The following CHD7 variants were observed in gnomAD, a reference collection of about 807,000 sequenced individuals.
CHD7 encodes chromodomain helicase DNA binding protein 7.
A neutral mutation model predicts 307.3 loss-of-function variants in CHD7; 24 were observed. The observed-to-expected ratio is 0.08, with a 90% CI of 0.06 to 0.11. The LOEUF is 0.11. Ranked by LOEUF, CHD7 falls within the 10% of genes least tolerant of loss-of-function variation. The pLI is 1.00. For synonymous variants in CHD7, 1,363 were observed against 1,349.9 expected (o/e 1.01, Z -0.21); for missense variants, 3,106 against 3,727.1 (o/e 0.83, Z 4.34).
intron 7 of CHD7, among the ~76,000 whole-genome samples, chr8:60,811,945 A>G (rs942502019): frequency 2.6e-5 from 4 of 152,206 alleles, no homozygotes; most frequent in African/African-American, 9.7e-5. Context: ...TCATAAGATT[A>G]ATGGCCACTT....
At chr8:60,682,585 T>C (rs1396275751) in intron 1 of CHD7, among the ~76,000 whole-genome samples, 1 of 152,234 alleles carries the variant, frequency 6.6e-6, no homozygotes, top group African/African-American at 2.4e-5. Flanking sequence ...ACCATGCCTT[T>C]AGTTAACTTT....
Position 60,741,527 on chromosome 8 carries a change from A to G in CHD7, c.95A>G (p.Asn32Ser), listed in dbSNP as rs755642503. ...CTCGGAGAATGTGGTTACCCGGAAA[A>G]TCCAGTAAATCCTATGGGTCAGCAA... ...EGLGECGYPE[N>S]PVNPMGQQMP... is the part of the protein sequence containing the mutation. Residue 32 changes from asparagine (N) to serine (S), a missense_variant, in exon 2 of 38, where the codon AAT becomes AGT. Asn to Ser is a conservative substitution (Grantham distance 46). Coordinates refer to ENST00000423902, the MANE Select transcript of CHD7 (RefSeq NM_017780.4). 1.2e-6 allele frequency: 2 copies of G among 1,613,376 alleles called. No individual in the cohort carries two copies. Among genetic ancestry groups the G allele is most frequent in the Admixed American group, 3.3e-5 (2 of 59,956 alleles).
intron 2 of CHD7, among the ~76,000 whole-genome samples, chr8:60,746,022 G>A (rs1809306387): frequency 6.6e-6 from 1 of 152,096 alleles, no homozygotes; most frequent in Non-Finnish European, 1.5e-5. Context: ...TAGATACAAT[G>A]TAAAATTAAC....
intron 7 of CHD7, among the ~76,000 whole-genome samples, chr8:60,814,594 T>C (rs1048887481): frequency 3.3e-5 from 5 of 152,186 alleles, no homozygotes; most frequent in East Asian, 1.9e-4. Context: ...TACAGGCACA[T>C]GCCACCACGG....
chr8:60,711,626 T>C (rs1353352655), intron 1 of CHD7, among the ~76,000 whole-genome samples: 1 of 152,232 alleles, frequency 6.6e-6, no homozygotes, highest in South Asian at 2.1e-4. Context: ...CTCCAACAAC[T>C]GAACACTGTG....
chr8:60,865,107 G>C lies in CHD7; in HGVS notation c.8168G>C (p.Ser2723Thr), dbSNP rs756347672. 3 of 1,610,976 alleles carry C rather than the reference G, an allele frequency of 1.9e-6. No homozygotes were observed. The highest frequency in any genetic ancestry group is 2.5e-6 in the Non-Finnish European group (3 of 1,178,738). Residue 2723 changes from serine (S) to threonine (T), a missense_variant, in exon 38 of 38, where the codon AGT becomes ACT. Ser to Thr is a moderately conservative substitution (Grantham distance 58). Around this residue, in one of 10 missense-constraint regions of CHD7, gnomAD observed 351 missense variants for 366.2 expected, o/e 0.96. Coordinates refer to ENST00000423902, the MANE Select transcript of CHD7 (RefSeq NM_017780.4). This position sits in a 1 kb window ranked among gnomAD's most constrained non-coding sequence, Gnocchi z 4.3. ...AGCAGAAGAGGAAGAAGGCCCAAAA[G>C]TGAGATCGCCAGAGCAGCCGCGGCC... ...GASRRGRRPK[S>T]EIARAAAAAA...
At chr8:60,755,738 G>T (rs1809860644) in intron 2 of CHD7, among the ~76,000 whole-genome samples, 2 of 152,060 alleles carry the variant, frequency 1.3e-5, no homozygotes. Context: ...CTATAGAGTG[G>T]TTGCAATCCA....
At chr8:60,794,894 A>T in intron 3 of CHD7, 92 bp from the exon 4 acceptor site, 2 of 1,198,542 alleles carry the variant, frequency 1.7e-6, no homozygotes, top group Admixed American at 2.4e-5. Flanking sequence ...ATCAGTTGTC[A>T]TTGATACTTT....
intron 8 of CHD7, among the ~76,000 whole-genome samples, chr8:60,818,608 C>G (rs535176658): frequency 8.5e-5 from 13 of 152,162 alleles, no homozygotes; most frequent in Middle Eastern, 6.8e-3. Context: ...TACTAATCTA[C>G]CTCTGTGTAA....
chr8:60,732,337 C>T (rs372690262), intron 1 of CHD7, among the ~76,000 whole-genome samples: 1 of 152,200 alleles, frequency 6.6e-6, no homozygotes, highest in Non-Finnish European at 1.5e-5. Context: ...ACGAAGAGCA[C>T]GCTTCTTACA....
At chr8:60,864,875 G>T in intron 37 of CHD7, 141 bp from the exon 38 acceptor site, 5 of 846,364 alleles carry the variant, frequency 5.9e-6, no homozygotes, top group Non-Finnish European at 7.2e-6. Context: ...CTGTCATTAA[G>T]TTTTATCATT....
intron 4 of CHD7, among the ~76,000 whole-genome samples, chr8:60,795,932 A>G (rs1213253804): frequency 6.6e-6 from 1 of 152,218 alleles, no homozygotes; most frequent in Non-Finnish European, 1.5e-5. Context: ...GTCCTGGAGT[A>G]GGAAGCCAGC....
At chr8:60,739,531 C>A (rs1421507068) in intron 1 of CHD7, among the ~76,000 whole-genome samples, 4 of 152,140 alleles carry the variant, frequency 2.6e-5, no homozygotes, top group Non-Finnish European at 5.9e-5. Flanking sequence ...TTATTTTCAC[C>A]CATCTGACCT....
intron 32 of CHD7, 84 bp from the exon 33 acceptor site, chr8:60,855,890 CT>C (rs2129641442): frequency 1.1e-6 from 1 of 881,436 alleles, no homozygotes; most frequent in African/African-American, 1.7e-5. Context: ...ATTTTATGCT[CT>C]TTTGCATCTT....
chr8:60,715,403 A>G (rs1346035870), intron 1 of CHD7, among the ~76,000 whole-genome samples: 3 of 151,196 alleles, frequency 2.0e-5, no homozygotes, highest in South Asian at 2.1e-4. Context: ...CCTCACTGCA[A>G]ACTCCGCCTG....
chr8:60,739,096 G>T (rs1362722945), intron 1 of CHD7, among the ~76,000 whole-genome samples: 2 of 152,168 alleles, frequency 1.3e-5, no homozygotes, highest in Non-Finnish European at 2.9e-5. Flanking sequence ...TGCAAGAGAA[G>T]GTCACCAGTG....
intron 2 of CHD7, among the ~76,000 whole-genome samples, chr8:60,775,366 C>CTTATATGCTTA (rs1554587511): frequency 6.6e-6 from 1 of 150,860 alleles, no homozygotes; most frequent in South Asian, 2.1e-4. Context: ...TACTTTATTC[C>CTTATATGCTTA]TACCAGTAAC....
intron 1 of CHD7, among the ~76,000 whole-genome samples, chr8:60,725,825 A>C (rs1477287849): frequency 1.3e-5 from 2 of 152,160 alleles, no homozygotes; most frequent in Non-Finnish European, 2.9e-5. Context: ...TTTAGGACCA[A>C]CACACTCCAG....
chr8:60,699,752 G>A (rs938105664), intron 1 of CHD7, among the ~76,000 whole-genome samples: 9 of 151,970 alleles, frequency 5.9e-5, no homozygotes, highest in African/African-American at 9.7e-5. Flanking sequence ...CGTGTCATCC[G>A]TCACATTCTG....
Sources: gnomAD v4.1 joint callset for allele counts (sites outside exome capture counted in the v4.1 genomes callset) on GRCh38, gnomAD v4.1.1 for gene constraint, gnomAD v4.1.1 regional missense constraint, Gnocchi (gnomAD v3.1) non-coding constraint, MANE v1.5 for transcripts, NCBI Gene and HGNC (gene_info 2026-07-23, HGNC 2026-07-21) for gene names.